The following GLB1 variants were observed in gnomAD, a reference collection of about 807,000 sequenced individuals.
The protein encoded by GLB1 is galactosidase beta 1, also known as beta-galactosidase.
In GLB1, 56 loss-of-function variants were observed where a neutral mutation model predicts 74.0. The observed-to-expected ratio is 0.76, with a 90% CI of 0.61 to 0.94. The LOEUF (loss-of-function observed/expected upper bound fraction) is 0.94, where lower values mean the gene tolerates loss of function less well. GLB1 is among the 40% of genes least tolerant of loss of function. The pLI is 0.00. For missense variants in GLB1, 787 were observed against 845.5 expected (o/e 0.93, Z 0.86); for synonymous variants, 323 against 323.6 (o/e 1.00, Z 0.02).
At chr3:33,092,062 G>A (rs1000751478) in intron 1 of GLB1, 13 of 985,378 alleles carry the variant, frequency 1.3e-5, no homozygotes, top group African/African-American at 1.2e-4. Context: ...TGAGCTCCCC[G>A]AAGGGTTGTA....
chr3:33,029,279 T>A (rs1265999193), intron 10 of GLB1, among the ~76,000 whole-genome samples: 1 of 152,226 alleles, frequency 6.6e-6, no homozygotes, highest in Non-Finnish European at 1.5e-5. Context: ...TTGCTTCTCA[T>A]ACTTAACCGG....
At chr3:32,983,588 T>C in the GLB1 span, among the ~76,000 whole-genome samples, 7 of 152,182 alleles carry the variant, frequency 4.6e-5, no homozygotes, top group African/African-American at 1.7e-4. Context: ...CTATGTGGAT[T>C]TGTCTCTATG....
Position 33,093,162 on chromosome 3 carries a change from G to C in GLB1, c.75+3849C>G. ...CTTGTCAAGATCCATGCCATGGCCAGAGTAGTGCAGGATGTCTGCTTCAAT... is the reference window on the plus strand; with the variant it reads ...CTTGTCAAGATCCATGCCATGGCCACAGTAGTGCAGGATGTCTGCTTCAAT... On this transcript the variant is annotated intron_variant, in intron 1 of 15. Transcript: ENST00000307363. The surrounding 1 kb of genome is among the most constrained non-coding windows in gnomAD (Gnocchi z 6.0). The C allele has an allele frequency of 1.2e-6, 2 of 1,614,206 alleles. No homozygotes were observed. Among genetic ancestry groups the C allele is most frequent in the Non-Finnish European group, 1.7e-6 (2 of 1,180,040 alleles).
chr3:32,970,237 C>T, the GLB1 span, among the ~76,000 whole-genome samples: 1 of 152,088 alleles, frequency 6.6e-6, no homozygotes, highest in Admixed American at 6.5e-5. Flanking sequence ...GTGCATGAAC[C>T]GAACACTCAA....
At chr3:33,074,367 AG>A (rs1402019616) in intron 1 of GLB1, among the ~76,000 whole-genome samples, 25 of 127,792 alleles carry the variant, frequency 2.0e-4, no homozygotes, top group African/African-American at 6.8e-4. Context: ...GAAGGAAGGA[AG>A]GAAGGAAGGA....
chr3:33,002,917 C>T (rs954964658), intron 15 of GLB1, among the ~76,000 whole-genome samples: 1 of 151,934 alleles, frequency 6.6e-6, no homozygotes, highest in African/African-American at 2.4e-5. Flanking sequence ...CACTGTGATG[C>T]TTACCTGGGA....
intron 10 of GLB1, among the ~76,000 whole-genome samples, chr3:33,036,935 A>G (rs1008412531): frequency 6.6e-6 from 1 of 152,216 alleles, no homozygotes; most frequent in African/African-American, 2.4e-5. Context: ...AGTTTTGAAA[A>G]TAGATAATGG....
At chr3:33,006,465 G>A (rs1397109667) in intron 15 of GLB1, among the ~76,000 whole-genome samples, 1 of 151,292 alleles carries the variant, frequency 6.6e-6, no homozygotes, top group Non-Finnish European at 1.5e-5. Context: ...TGTCTTCCAC[G>A]AAACTAGTCC....
intron 10 of GLB1, among the ~76,000 whole-genome samples, chr3:33,026,990 T>A (rs1258088259): frequency 6.6e-6 from 1 of 152,226 alleles, no homozygotes; most frequent in Non-Finnish European, 1.5e-5. Flanking sequence ...ATGGTGAGGC[T>A]AAAAGAGCTG....
chr3:33,059,198 T>C (rs1192588526), intron 5 of GLB1, among the ~76,000 whole-genome samples: 1 of 147,536 alleles, frequency 6.8e-6, no homozygotes, highest in Non-Finnish European at 1.5e-5. Flanking sequence ...GGGTAAAAAT[T>C]GATGCTTTGG....
Position 33,068,889 on chromosome 3 carries a change from C to T in GLB1, c.327G>A (p.Arg109=), listed in dbSNP as rs751602590. 27 of 1,614,104 alleles carry T rather than the reference C, an allele frequency of 1.7e-5. 1 individual carries two copies. The South Asian group carries it at 2.7e-4, about 16-fold the overall frequency. Residue 109 remains arginine, a synonymous_variant, in exon 3 of 16, where the codon CGG becomes CGA. Transcript: ENST00000307363. The part of the protein sequence containing the change: ...SEDHDVEYFL[R]LAHELGLLVI... ...CCAGCAGTCCCAGCTCATGAGCCAGCCGAAGAAAATATTCCACATCATGGT... is the reference window on the plus strand; with the variant it reads ...CCAGCAGTCCCAGCTCATGAGCCAGTCGAAGAAAATATTCCACATCATGGT...
At chr3:32,993,921 G>A (rs563860217), downstream of GLB1, among the ~76,000 whole-genome samples, 369 of 151,954 alleles carry the variant, frequency 2.4e-3, 1 homozygote, top group Middle Eastern at 6.8e-3. Flanking sequence ...CACCCACCTC[G>A]GCCTCCCAAA....
chr3:33,005,315 C>T (rs1484841241), intron 15 of GLB1, among the ~76,000 whole-genome samples: 1 of 152,096 alleles, frequency 6.6e-6, no homozygotes, highest in Non-Finnish European at 1.5e-5. Context: ...TATACTATTC[C>T]CTTGAAAAAT....
intron 1 of GLB1, among the ~76,000 whole-genome samples, chr3:33,087,675 C>A (rs1407935589): frequency 6.7e-6 from 1 of 150,142 alleles, no homozygotes; most frequent in Non-Finnish European, 1.5e-5. Context: ...GAGAATTCTA[C>A]CAAACATTTA....
downstream of GLB1, among the ~76,000 whole-genome samples, chr3:32,993,382 GTC>G (rs1696258313): frequency 6.6e-6 from 1 of 152,030 alleles, no homozygotes; most frequent in African/African-American, 2.4e-5. Context: ...TTGAGACAGG[GTC>G]TGGCCCTGCC....
intron 6 of GLB1, 90 bp downstream of exon 6, chr3:33,057,999 C>T: frequency 6.6e-7 from 1 of 1,523,438 alleles, no homozygotes; most frequent in Non-Finnish European, 9.0e-7. Context: ...CTCAATCTGC[C>T]CATGACACTT....
At chr3:33,065,062 C>G (rs1699617390) in intron 5 of GLB1, among the ~76,000 whole-genome samples, 1 of 152,084 alleles carries the variant, frequency 6.6e-6, no homozygotes, top group African/African-American at 2.4e-5. Flanking sequence ...TGTTTCAGTC[C>G]ACGCTGCATG....
At chr3:33,030,397 C>T in intron 10 of GLB1, 5 of 708,830 alleles carry the variant, frequency 7.1e-6, no homozygotes, top group Non-Finnish European at 8.7e-6. Context: ...GAGACCAGTA[C>T]TACAAGAGAG....
intron 10 of GLB1, chr3:33,045,638 T>A: frequency 1.0e-6 from 1 of 993,530 alleles, no homozygotes; most frequent in Non-Finnish European, 1.2e-6. Flanking sequence ...TAGCTTTACC[T>A]CTTTTGATAT....
Sources: gnomAD v4.1 joint callset for allele counts (sites outside exome capture counted in the v4.1 genomes callset) on GRCh38, gnomAD v4.1.1 for gene constraint, Gnocchi (gnomAD v3.1) non-coding constraint, MANE v1.5 for transcripts, NCBI Gene and HGNC (gene_info 2026-07-23, HGNC 2026-07-21) for gene names.